Variants in SDCCAG8 observed in about 807,000 individuals in gnomAD.
The protein encoded by SDCCAG8 is serologically defined colon cancer antigen 8.
In SDCCAG8, 74 loss-of-function variants were observed where a neutral mutation model predicts 101.8. That is an observed-to-expected ratio of 0.73 (90% CI 0.60 to 0.88). The LOEUF (loss-of-function observed/expected upper bound fraction) is 0.88, where lower values mean the gene tolerates loss of function less well. Ranked by LOEUF, SDCCAG8 falls within the 40% of genes least tolerant of loss-of-function variation. The probability of loss-of-function intolerance (pLI) is 0.00; values close to 1 mark genes in which losing one functional copy is unlikely to be tolerated. For missense variants in SDCCAG8, 787 were observed against 822.6 expected, an observed-to-expected ratio of 0.96 and a Z score of 0.53; for synonymous variants, 281 against 292.9, an observed-to-expected ratio of 0.96 and a Z score of 0.41.
At chr1:243,309,535 C>T (rs1202064463) in intron 8 of SDCCAG8, among the ~76,000 whole-genome samples, 1 of 152,178 alleles carries the variant, frequency 6.6e-6, no homozygotes, top group Non-Finnish European at 1.5e-5. Context: ...GTTGGGGTCT[C>T]ACTCCTTTGC....
At chr1:243,332,167 A>AT (rs2074652810) in intron 10 of SDCCAG8, among the ~76,000 whole-genome samples, 1 of 152,174 alleles carries the variant, frequency 6.6e-6, no homozygotes, top group Non-Finnish European at 1.5e-5. Context: ...GAAGGCCCTG[A>AT]TGGGTGGAGC....
chr1:243,402,051 G>A (rs543473603), intron 13 of SDCCAG8, among the ~76,000 whole-genome samples: 1 of 152,300 alleles, frequency 6.6e-6, no homozygotes, highest in South Asian at 2.1e-4. Flanking sequence ...ACTCAGACCA[G>A]TGCTGTCCAA....
chr1:243,397,167 GA>G (rs895323370), intron 13 of SDCCAG8, among the ~76,000 whole-genome samples: 2 of 152,206 alleles, frequency 1.3e-5, no homozygotes, highest in African/African-American at 4.8e-5. Flanking sequence ...AGAAAACATT[GA>G]AAGGCTGTGC....
At chr1:243,354,144 C>G (rs540344337) in intron 12 of SDCCAG8, among the ~76,000 whole-genome samples, 3 of 152,290 alleles carry the variant, frequency 2.0e-5, no homozygotes, top group African/African-American at 7.2e-5. Context: ...AGTTTATTTC[C>G]CAGTGAAGTG....
At chr1:243,310,849 T>C (rs1288507395) in intron 8 of SDCCAG8, among the ~76,000 whole-genome samples, 2 of 152,314 alleles carry the variant, frequency 1.3e-5, no homozygotes, top group Non-Finnish European at 2.9e-5. Context: ...CATATGAAAA[T>C]GTATTTATTC....
intron 13 of SDCCAG8, among the ~76,000 whole-genome samples, chr1:243,388,856 T>A (rs1414570615): frequency 2.0e-5 from 3 of 147,760 alleles, no homozygotes; most frequent in Non-Finnish European, 3.0e-5. Context: ...TTTGGGAGGC[T>A]ACATGGTGGT....
At chr1:243,362,550 A>C (rs1264644424) in intron 12 of SDCCAG8, among the ~76,000 whole-genome samples, 1 of 152,260 alleles carries the variant, frequency 6.6e-6, no homozygotes, top group Non-Finnish European at 1.5e-5. Context: ...AGGATTTTGT[A>C]AAATTTTAGG....
At chr1:243,318,172 C>A in intron 9 of SDCCAG8, 1 of 421,440 alleles carries the variant, frequency 2.4e-6, no homozygotes, top group South Asian at 1.7e-5. Flanking sequence ...TAGTATGCAG[C>A]CATAAAAAGA....
intron 10 of SDCCAG8, among the ~76,000 whole-genome samples, chr1:243,332,576 C>A (rs1482784680): frequency 4.9e-5 from 7 of 142,358 alleles, no homozygotes; most frequent in African/African-American, 1.8e-4. Context: ...GTGATTATTG[C>A]TGTCCAGGTC....
chr1:243,379,586 A>G (rs1405391421), intron 13 of SDCCAG8, among the ~76,000 whole-genome samples: 1 of 152,196 alleles, frequency 6.6e-6, no homozygotes, highest in South Asian at 2.1e-4. Flanking sequence ...ACACATGGAA[A>G]GAAAAATTCA....
intron 6 of SDCCAG8, among the ~76,000 whole-genome samples, chr1:243,297,744 G>A (rs966947348): frequency 3.9e-5 from 6 of 152,048 alleles, no homozygotes; most frequent in East Asian, 3.8e-4. Context: ...TCTGTGAGCC[G>A]CCTATTCAGA....
intron 16 of SDCCAG8, among the ~76,000 whole-genome samples, chr1:243,447,248 CAAAAAAAAAAAAAAA>C (rs397830130): frequency 1.4e-4 from 6 of 41,390 alleles, no homozygotes; most frequent in South Asian, 3.9e-3. Context: ...GACTTCGTCT[CAAAAAAAAAAAAAAA>C]AAAAAAAAAA....
At chr1:243,318,377 G>A (rs1260971178) in intron 9 of SDCCAG8, 1 of 160,282 alleles carries the variant, frequency 6.2e-6, no homozygotes, top group Non-Finnish European at 1.3e-5. Flanking sequence ...GGAGCAGGGA[G>A]AGGAGCAGAA....
chr1:243,409,660 G>A (rs942166215), intron 13 of SDCCAG8, among the ~76,000 whole-genome samples: 1 of 152,080 alleles, frequency 6.6e-6, no homozygotes, highest in African/African-American at 2.4e-5. Flanking sequence ...GACATGTCAC[G>A]TAGGAACCAC....
chr1:243,320,208 G>T (rs150494255), intron 9 of SDCCAG8, among the ~76,000 whole-genome samples: 1 of 152,078 alleles, frequency 6.6e-6, no homozygotes, highest in Non-Finnish European at 1.5e-5. Flanking sequence ...AGTTTCTAAC[G>T]TTTTCTTGAA....
chr1:243,449,653 G>A (rs891357919), intron 16 of SDCCAG8, among the ~76,000 whole-genome samples: 4 of 152,182 alleles, frequency 2.6e-5, no homozygotes, highest in Non-Finnish European at 4.4e-5. Context: ...AAGTGCCCCA[G>A]TTTTTCCACA....
intron 12 of SDCCAG8, among the ~76,000 whole-genome samples, chr1:243,356,042 C>T (rs1328700666): frequency 1.3e-5 from 2 of 152,174 alleles, no homozygotes; most frequent in Non-Finnish European, 2.9e-5. Context: ...TATCGTAGAA[C>T]TGTAGGAGGG....
intron 16 of SDCCAG8, among the ~76,000 whole-genome samples, chr1:243,436,335 T>C (rs2082132839): frequency 6.6e-6 from 1 of 152,156 alleles, no homozygotes; most frequent in South Asian, 2.1e-4. Context: ...GATGTTCTCC[T>C]ATGTTATTTT....
chr1:243,469,876 A>T, intron 16 of SDCCAG8, among the ~76,000 whole-genome samples: 1 of 132,020 alleles, frequency 7.6e-6, no homozygotes. Context: ...CAGTCTCCTC[A>T]TCTATTAAAC....
Sources: allele counts gnomAD v4.1 joint callset (sites outside exome capture counted in the v4.1 genomes callset), GRCh38; gene constraint gnomAD v4.1.1; transcripts MANE v1.5; gene names NCBI Gene and HGNC (gene_info 2026-07-23, HGNC 2026-07-21).